Variants in PDE4DIP observed in about 807,000 individuals in gnomAD.
The protein encoded by PDE4DIP is phosphodiesterase 4D interacting protein.
A neutral mutation model predicts 221.4 loss-of-function variants in PDE4DIP; 59 were observed. The observed-to-expected ratio is 0.27, with a 90% CI of 0.22 to 0.33. The LOEUF (loss-of-function observed/expected upper bound fraction) is 0.33. Ranked by LOEUF, PDE4DIP falls within the 10% of genes least tolerant of loss-of-function variation. PDE4DIP has a pLI of 1.00. For missense variants in PDE4DIP, 1,036 were observed against 2,154.2 expected (o/e 0.48, Z 10.28); for synonymous variants, 404 against 815.9 (o/e 0.50, Z 8.60).
chr1:148,948,277 ATAC>A (rs1308305597), intron 5 of PDE4DIP, among the ~76,000 whole-genome samples: 1 of 152,184 alleles, frequency 6.6e-6, no homozygotes, highest in Non-Finnish European at 1.5e-5. Flanking sequence ...TAATAATTTT[ATAC>A]TACATCATTA....
intron 5 of PDE4DIP, 146 bp from the exon 9 acceptor site, chr1:148,960,508 C>CT: frequency 6.9e-6 from 1 of 145,154 alleles, no homozygotes; most frequent in South Asian, 1.6e-4. Flanking sequence ...ACAGACCTGT[C>CT]TTTAGGAATT....
chr1:148,955,514 G>A (rs1553501351), intron 5 of PDE4DIP, among the ~76,000 whole-genome samples: 1 of 152,140 alleles, frequency 6.6e-6, no homozygotes, highest in African/African-American at 2.4e-5. Flanking sequence ...TGGAGATATG[G>A]AAAGTTCCTT....
chr1:149,010,168 T>C (rs1393526), intron 30 of PDE4DIP, among the ~76,000 whole-genome samples: 4 of 152,088 alleles, frequency 2.6e-5, no homozygotes, highest in Non-Finnish European at 5.9e-5. Context: ...CTAAGTATAT[T>C]TGGGTGTCCA....
At chr1:148,983,885 T>C (rs1412469011) in intron 21 of PDE4DIP, 3 of 152,118 alleles carry the variant, frequency 2.0e-5, no homozygotes, top group African/African-American at 7.2e-5. Flanking sequence ...AAAATCCATA[T>C]GATAGATTTT....
intron 4 of PDE4DIP, among the ~76,000 whole-genome samples, chr1:148,932,978 G>A (rs1553472116): frequency 6.6e-6 from 1 of 152,154 alleles, no homozygotes; most frequent in Non-Finnish European, 1.5e-5. Context: ...GCACCGTTAT[G>A]AGCCAGAGTG....
chr1:148,859,832 G>GTGTGTA (rs1381330669), intron 1 of PDE4DIP, among the ~76,000 whole-genome samples: 2,891 of 110,378 alleles, frequency 0.026, 1 homozygote, highest in East Asian at 0.16. Context: ...GTGTGTGTAT[G>GTGTGTA]TGTGTGTGTG....
intron 1 of PDE4DIP, among the ~76,000 whole-genome samples, chr1:148,919,782 C>T (rs1230926520): frequency 6.6e-6 from 1 of 150,694 alleles, no homozygotes; most frequent in Non-Finnish European, 1.5e-5. Flanking sequence ...TGAAACTCTT[C>T]CTCCTGCTAA....
Position 148,829,046 on chromosome 1 carries a change from A to T in PDE4DIP, c.233+20309A>T, listed in dbSNP as rs28712788. Among the ~76,000 whole-genome samples the T allele has an allele frequency of 2.7e-3, 395 of 144,332 alleles. 12 individuals carry two copies. Among genetic ancestry groups the T allele is most frequent in the Middle Eastern group, 7.0e-3 (2 of 284 alleles). The allele number at this position is 144,332 out of a possible 152,430, so 94.7% of individuals were successfully genotyped here. A position where few individuals can be genotyped will look rare whatever the true frequency, so the allele number is the denominator to read the frequency against. On this transcript the variant is annotated intron_variant, in intron 1 of 45. Coordinates refer to the PDE4DIP transcript ENST00000524974. Reference sequence around the variant, plus strand: ...CACACACACACACACACACACACACACTCACACACACACACTTCCTCAAGA... The same window carrying T: ...CACACACACACACACACACACACACTCTCACACACACACACTTCCTCAAGA...
At chr1:148,968,715 A>C (rs2058638402) in intron 13 of PDE4DIP, 121 bp from the exon 17 acceptor site, 1 of 639,526 alleles carries the variant, frequency 1.6e-6, no homozygotes, top group African/African-American at 1.8e-5. Context: ...TGAGTAAAAC[A>C]TGATACTTAT....
At chr1:148,986,676 A>G (rs1330440851) in intron 21 of PDE4DIP, among the ~76,000 whole-genome samples, 2 of 152,198 alleles carry the variant, frequency 1.3e-5, no homozygotes, top group Non-Finnish European at 2.9e-5. Context: ...CTAAAGAAAC[A>G]GTGTTATACT....
At chr1:148,990,579 C>T (rs1206894862) in intron 21 of PDE4DIP, among the ~76,000 whole-genome samples, 16 of 151,028 alleles carry the variant, frequency 1.1e-4, no homozygotes, top group African/African-American at 2.4e-4. Flanking sequence ...GACTTACTGG[C>T]GCAGCTCTAG....
At chr1:148,846,582 C>CGCCTTGG (rs1677012967) in intron 1 of PDE4DIP, among the ~76,000 whole-genome samples, 1 of 43,208 alleles carries the variant, frequency 2.3e-5, no homozygotes, top group Non-Finnish European at 4.1e-5. Context: ...CAGTGAAGCC[C>CGCCTTGG]CGTCTCTACT....
At chr1:148,823,526 A>G (rs1669854166) in intron 1 of PDE4DIP, among the ~76,000 whole-genome samples, 1 of 150,542 alleles carries the variant, frequency 6.6e-6, no homozygotes, top group Admixed American at 6.6e-5. Context: ...ATGCTCATTC[A>G]CACTCACATC....
At position 149,025,293 on chromosome 1, in the gene PDE4DIP, C is replaced by T. The variant is rs1174506065; in HGVS notation, c.6325+609C>T. Among the ~76,000 whole-genome samples, 109 of 152,170 alleles carry T rather than the reference C, an allele frequency of 7.2e-4. 2 individuals carry two copies. The highest frequency in any genetic ancestry group is 3.4e-3 in the Middle Eastern group (1 of 294). ...CCTTCCAGCTCATTGTGCCCTGTCT[C>T]AGTATTGCCGACCTTCCCAGATTCT... is the stretch of plus-strand genomic sequence containing the variant. On this transcript the variant is annotated intron_variant, in intron 38 of 43. Coordinates refer to ENST00000369354, the Ensembl canonical transcript of PDE4DIP.
intron 4 of PDE4DIP, among the ~76,000 whole-genome samples, chr1:148,934,020 T>A (rs2048641406): frequency 6.8e-6 from 1 of 148,062 alleles, no homozygotes; most frequent in Non-Finnish European, 1.5e-5. Context: ...CAGGGATTGC[T>A]GACATCCAAA....
intron 32 of PDE4DIP, among the ~76,000 whole-genome samples, chr1:149,015,952 C>G (rs111709194): frequency 0.018 from 2,603 of 148,648 alleles, 61 homozygotes; most frequent in African/African-American, 0.062. Flanking sequence ...CTCACAACTT[C>G]TAACTGTGGG....
At chr1:148,949,350 CTTATA>C (rs1158308323) in intron 5 of PDE4DIP, among the ~76,000 whole-genome samples, 230 of 149,736 alleles carry the variant, frequency 1.5e-3, no homozygotes, top group African/African-American at 5.3e-3. Flanking sequence ...AAGTTATCTT[CTTATA>C]TTATATATTT....
At chr1:148,986,748 A>G (rs2061973526) in intron 21 of PDE4DIP, among the ~76,000 whole-genome samples, 2 of 152,312 alleles carry the variant, frequency 1.3e-5, no homozygotes, top group East Asian at 1.9e-4. Flanking sequence ...TCTTTGCTGT[A>G]GGAGAATAGC....
intron 1 of PDE4DIP, among the ~76,000 whole-genome samples, chr1:148,905,123 C>A (rs1313878357): frequency 1.4e-5 from 2 of 138,636 alleles, no homozygotes; most frequent in African/African-American, 5.5e-5. Flanking sequence ...TCTAATTCTT[C>A]CTGATTTAAG....
Sources: allele counts gnomAD v4.1 joint callset (sites outside exome capture counted in the v4.1 genomes callset), GRCh38; gene constraint gnomAD v4.1.1; transcripts MANE v1.5; gene names NCBI Gene and HGNC (gene_info 2026-07-23, HGNC 2026-07-21).